Variants in FRYL observed in about 807,000 individuals in gnomAD.
FRYL encodes the protein FRY like transcription coactivator, also known as protein furry homolog-like.
A neutral mutation model predicts 351.2 loss-of-function variants in FRYL; 150 were observed. The observed-to-expected ratio is 0.43, with a 90% CI of 0.37 to 0.49. The LOEUF is 0.49. FRYL is among the 20% of genes least tolerant of loss of function. The pLI, the probability that FRYL is intolerant of heterozygous loss-of-function variation, is 0.00. For missense variants in FRYL, 3,036 were observed against 3,619.3 expected (o/e 0.84, Z 4.13); for synonymous variants, 1,153 against 1,257.1 (o/e 0.92, Z 1.75).
At chr4:48,751,327 CATGAATT>C (rs987287210) in intron 1 of FRYL, among the ~76,000 whole-genome samples, 1 of 152,016 alleles carries the variant, frequency 6.6e-6, no homozygotes, top group Non-Finnish European at 1.5e-5. Flanking sequence ...AGGAATAAAA[CATGAATT>C]AAGAATCTGA....
chr4:48,702,973 C>T (rs1194066336), intron 2 of FRYL, among the ~76,000 whole-genome samples: 1 of 151,902 alleles, frequency 6.6e-6, no homozygotes, highest in Non-Finnish European at 1.5e-5. Flanking sequence ...AAGAGAGGTA[C>T]AGATGTCATG....
intron 38 of FRYL, 77 bp downstream of exon 38, chr4:48,550,515 T>G (rs753299372): frequency 1.2e-6 from 1 of 865,916 alleles, no homozygotes; most frequent in Non-Finnish European, 1.9e-6. Context: ...ACTGAAAATA[T>G]ATATTTATTA....
intron 2 of FRYL, among the ~76,000 whole-genome samples, chr4:48,689,432 C>G (rs1765480223): frequency 6.6e-6 from 1 of 152,150 alleles, no homozygotes; most frequent in Admixed American, 6.5e-5. Flanking sequence ...ATAAATCTTT[C>G]CATTCTACAT....
chr4:48,656,846 T>C (rs1759326408), intron 3 of FRYL, among the ~76,000 whole-genome samples: 1 of 151,954 alleles, frequency 6.6e-6, no homozygotes. Context: ...GGCTTTATCA[T>C]ACACAGAAAG....
intron 1 of FRYL, among the ~76,000 whole-genome samples, chr4:48,755,904 TACA>T (rs1773722710): frequency 6.6e-6 from 1 of 151,516 alleles, no homozygotes; most frequent in African/African-American, 2.4e-5. Flanking sequence ...GTTTAAATTC[TACA>T]AGTCTGTCCT....
chr4:48,688,506 C>T (rs1765380203), intron 2 of FRYL, among the ~76,000 whole-genome samples: 1 of 152,014 alleles, frequency 6.6e-6, no homozygotes. Context: ...TTATGGTCAT[C>T]CCTTTAATTA....
At chr4:48,592,295 C>A (rs930989995) in intron 16 of FRYL, among the ~76,000 whole-genome samples, 7 of 151,708 alleles carry the variant, frequency 4.6e-5, no homozygotes, top group Non-Finnish European at 8.8e-5. Context: ...CAGTGTATTG[C>A]AATTTGCATG....
chr4:48,657,354 T>C (rs1398467891), intron 3 of FRYL, among the ~76,000 whole-genome samples: 22 of 36,654 alleles, frequency 6.0e-4, no homozygotes, highest in African/African-American at 1.1e-3. Flanking sequence ...TTTTCTTTTC[T>C]TTTTTTTTTT....
At chr4:48,678,972 T>C (rs1215514609) in intron 3 of FRYL, among the ~76,000 whole-genome samples, 1 of 152,100 alleles carries the variant, frequency 6.6e-6, no homozygotes, top group Non-Finnish European at 1.5e-5. Flanking sequence ...AGTTAAGAGA[T>C]AAAAGTAAGG....
chr4:48,775,106 C>CA (rs1473657967), intron 1 of FRYL, among the ~76,000 whole-genome samples: 2 of 152,112 alleles, frequency 1.3e-5, no homozygotes, highest in Non-Finnish European at 2.9e-5. Context: ...TTTGCAATCC[C>CA]AAAAAACAAC....
chr4:48,517,488 G>C (rs1300079023), intron 55 of FRYL, among the ~76,000 whole-genome samples: 1 of 152,146 alleles, frequency 6.6e-6, no homozygotes, highest in African/African-American at 2.4e-5. Context: ...TTTATATGTA[G>C]ATTATGAGAA....
At chr4:48,660,694 C>G (rs1207222454) in intron 3 of FRYL, among the ~76,000 whole-genome samples, 1 of 152,124 alleles carries the variant, frequency 6.6e-6, no homozygotes, top group Non-Finnish European at 1.5e-5. Context: ...GCCAGGAGAT[C>G]AAGGTTAACA....
At chr4:48,727,220 A>C (rs1770177364) in intron 1 of FRYL, among the ~76,000 whole-genome samples, 1 of 152,174 alleles carries the variant, frequency 6.6e-6, no homozygotes, top group African/African-American at 2.4e-5. Context: ...TTAAAAAAAA[A>C]TGGGAAGAAG....
At chr4:48,536,049 T>C (rs1259618023) in intron 47 of FRYL, among the ~76,000 whole-genome samples, 1 of 152,210 alleles carries the variant, frequency 6.6e-6, no homozygotes, top group Admixed American at 6.5e-5. Context: ...TCTTTGTGGG[T>C]ACTAAATAGT....
At chr4:48,673,217 T>C (rs1479503346) in intron 3 of FRYL, among the ~76,000 whole-genome samples, 4 of 152,240 alleles carry the variant, frequency 2.6e-5, no homozygotes, top group Non-Finnish European at 4.4e-5. Flanking sequence ...ACCAGAGTGT[T>C]ACAAAAACTA....
intron 48 of FRYL, among the ~76,000 whole-genome samples, chr4:48,535,205 T>C (rs1294673774): frequency 6.6e-6 from 1 of 152,134 alleles, no homozygotes; most frequent in Non-Finnish European, 1.5e-5. Flanking sequence ...TATGCTGTAA[T>C]TATTATTCTA....
At chr4:48,566,608 T>C (rs1022576362) in intron 28 of FRYL, among the ~76,000 whole-genome samples, 2 of 152,224 alleles carry the variant, frequency 1.3e-5, no homozygotes, top group African/African-American at 4.8e-5. Flanking sequence ...ATACAACCCA[T>C]GTTCTTTAGG....
chr4:48,664,205 A>G (rs977989939), intron 3 of FRYL, among the ~76,000 whole-genome samples: 1 of 152,238 alleles, frequency 6.6e-6, no homozygotes, highest in Non-Finnish European at 1.5e-5. Context: ...GCTCCAGGAA[A>G]TATTAAAGTA....
rs1268526375 is a variant in FRYL, at chr4:48,736,828, C to T, written c.-383-26130G>A. ...TCGCACCACTGCACTCCGGCCTGGG[C>T]GACAGACTGAGACTCTGTCTCGAAA... is the stretch of plus-strand genomic sequence containing the variant. On this transcript the variant is annotated intron_variant, in intron 1 of 63. Coordinates refer to ENST00000358350, the MANE Select transcript of FRYL (RefSeq NM_015030.2). Among the ~76,000 whole-genome samples, 8 of 114,188 alleles carry T rather than the reference C, an allele frequency of 7.0e-5. 1 individual carries two copies. The highest frequency in any genetic ancestry group is 2.7e-4 in the East Asian group (1 of 3,652). 74.9% of individuals were successfully genotyped at this position (114,188 alleles called of 152,430 possible).
Sources: gnomAD v4.1 joint callset for allele counts (sites outside exome capture counted in the v4.1 genomes callset) on GRCh38, gnomAD v4.1.1 for gene constraint, MANE v1.5 for transcripts, NCBI Gene and HGNC (gene_info 2026-07-23, HGNC 2026-07-21) for gene names.